Variants in RORB observed in about 807,000 individuals in gnomAD.
The protein encoded by RORB is nuclear receptor ROR-beta.
Under a neutral mutation model 59.1 loss-of-function variants are expected in RORB, and 6 were observed. The ratio of observed to expected loss-of-function variants is 0.10; its 90% CI spans 0.06 to 0.20. The LOEUF is 0.20. RORB is among the 10% of genes least tolerant of loss of function. RORB has a pLI of 1.00. For synonymous variants in RORB, 215 were observed against 204.5 expected (o/e 1.05, Z -0.44); for missense variants, 320 against 560.5 (o/e 0.57, Z 4.33).
At chr9:74,566,438 C>A (rs1822469513) in intron 1 of RORB, among the ~76,000 whole-genome samples, 1 of 152,064 alleles carries the variant, frequency 6.6e-6, no homozygotes, top group Non-Finnish European at 1.5e-5. Context: ...CTACTACTAT[C>A]AACAGTTTTG....
intron 1 of RORB, among the ~76,000 whole-genome samples, chr9:74,568,741 T>A (rs1822506231): frequency 6.6e-6 from 1 of 151,596 alleles, no homozygotes; most frequent in African/African-American, 2.4e-5. Flanking sequence ...ACTGGAAGTT[T>A]GTCTTTAAAA....
At chr9:74,501,205 A>C (rs1012613671) in intron 1 of RORB, among the ~76,000 whole-genome samples, 1 of 152,230 alleles carries the variant, frequency 6.6e-6, no homozygotes, top group Non-Finnish European at 1.5e-5. Flanking sequence ...GGGGCGGATT[A>C]GAAATCTGGT....
At chr9:74,671,016 A>C (rs2118543126) in intron 8 of RORB, among the ~76,000 whole-genome samples, 1 of 152,172 alleles carries the variant, frequency 6.6e-6, no homozygotes, top group South Asian at 2.1e-4. Context: ...TAAAGGTCCA[A>C]CCTAAGGCAT....
At chr9:74,631,366 G>A (rs1311531537) in intron 2 of RORB, among the ~76,000 whole-genome samples, 3 of 152,156 alleles carry the variant, frequency 2.0e-5, no homozygotes, top group African/African-American at 7.2e-5. Context: ...AAAGTTATTG[G>A]CAAGAGCAAT....
In RORB at chr9:74,497,848, T is replaced by G; in HGVS notation, c.-129T>G. ...CAGCCACGGCGTCCGCCTAAAGGGA[T>G]GGTTTTCTCGGCAGAGCAGCTCTTC... On this transcript the variant is annotated 5_prime_UTR_variant, in exon 1 of 10. The change abolishes an upstream ATG in the 5' untranslated region. Transcript: ENST00000376896. 8.8e-7 allele frequency: 1 copy of G among 1,139,694 alleles called. No individual in the cohort carries two copies. The highest frequency in any genetic ancestry group is 1.3e-6 in the Non-Finnish European group (1 of 781,486). 70.6% of individuals were successfully genotyped at this position (1,139,694 alleles called of 1,614,324 possible). A position where few individuals can be genotyped will look rare whatever the true frequency, so the allele number is the denominator to read the frequency against.
chr9:74,611,948 C>G (rs1016657029), intron 1 of RORB, among the ~76,000 whole-genome samples: 1 of 152,122 alleles, frequency 6.6e-6, no homozygotes, highest in Non-Finnish European at 1.5e-5. Flanking sequence ...CCATGCCCAG[C>G]CAACTCCATT....
chr9:74,528,305 C>T (rs1299685353), intron 1 of RORB, among the ~76,000 whole-genome samples: 1 of 152,016 alleles, frequency 6.6e-6, no homozygotes, highest in African/African-American at 2.4e-5. Context: ...TACTACTCTC[C>T]TAGCGCAGCT....
At chr9:74,550,253 T>G (rs1413703320) in intron 1 of RORB, among the ~76,000 whole-genome samples, 1 of 152,218 alleles carries the variant, frequency 6.6e-6, no homozygotes, top group South Asian at 2.1e-4. Flanking sequence ...AAATATAGAT[T>G]GTTTAAAGTC....
rs879518494 is a variant in RORB, at chr9:74,670,071, C to CT, written c.1112-1707dup. Among the ~76,000 whole-genome samples, 113 of 145,870 alleles carry CT rather than the reference C, an allele frequency of 7.7e-4. 1 individual carries two copies. Among genetic ancestry groups the CT allele is most frequent in the African/African-American group, 2.3e-3 (91 of 40,084 alleles). On this transcript the variant is annotated intron_variant, in intron 8 of 9. Transcript: ENST00000376896. ...CTAAAATCAAGCTGTTCCTCTAGGC[C>CT]TTTTTTTTTTTAAACCCTAGAAAGT...
intron 1 of RORB, among the ~76,000 whole-genome samples, chr9:74,592,284 G>A (rs1422850775): frequency 6.6e-6 from 1 of 152,060 alleles, no homozygotes; most frequent in Non-Finnish European, 1.5e-5. Flanking sequence ...AAATTATCAG[G>A]CCCCATCTCA....
Position 74,667,921 on chromosome 9 carries a change from CT to C in RORB, c.1111+22del. 2 of 1,477,940 alleles carry C rather than the reference CT, an allele frequency of 1.4e-6. No homozygotes were observed. Among genetic ancestry groups the C allele is most frequent in the Non-Finnish European group, 1.9e-6 (2 of 1,055,766 alleles). 91.6% of individuals were successfully genotyped at this position (1,477,940 alleles called of 1,614,324 possible). ...CTCCAGGTAGGGCAGTCTCAGTTCT[CT>C]TACCTTTTTAAAAAACTTGTTTTAC... On this transcript the variant is annotated intron_variant, in intron 8 of 9. Transcript: ENST00000376896.
chr9:74,588,741 T>C (rs930110422), intron 1 of RORB, among the ~76,000 whole-genome samples: 2 of 152,254 alleles, frequency 1.3e-5, no homozygotes, highest in South Asian at 4.1e-4. Flanking sequence ...GCTTTTAAGC[T>C]ATCAATGGAA....
intron 1 of RORB, among the ~76,000 whole-genome samples, chr9:74,552,921 C>T (rs1826635241): frequency 6.6e-6 from 1 of 151,932 alleles, no homozygotes; most frequent in South Asian, 2.1e-4. Context: ...AAAGCGGGGA[C>T]CTAAGTGAGA....
intron 1 of RORB, among the ~76,000 whole-genome samples, chr9:74,569,877 C>T (rs942509520): frequency 8.6e-5 from 13 of 152,008 alleles, no homozygotes; most frequent in African/African-American, 3.1e-4. Context: ...GTTTTCTCCA[C>T]CAAATATTTG....
At chr9:74,594,381 C>A (rs899893372) in intron 1 of RORB, among the ~76,000 whole-genome samples, 2 of 152,138 alleles carry the variant, frequency 1.3e-5, no homozygotes, top group Non-Finnish European at 2.9e-5. Flanking sequence ...TCAATCAAAC[C>A]TTATGGAAGC....
chr9:74,572,792 G>A (rs1289014146), intron 1 of RORB, among the ~76,000 whole-genome samples: 1 of 152,154 alleles, frequency 6.6e-6, no homozygotes, highest in Non-Finnish European at 1.5e-5. Flanking sequence ...TCATCCAGGT[G>A]TAACATGACA....
chr9:74,645,581 A>T (rs117571626), intron 4 of RORB, among the ~76,000 whole-genome samples: 2,731 of 152,230 alleles, frequency 0.018, 30 homozygotes, highest in Non-Finnish European at 0.026. Context: ...ATATGTAAGC[A>T]CCATTATTAT....
intron 4 of RORB, among the ~76,000 whole-genome samples, chr9:74,656,065 C>A (rs921765278): frequency 2.0e-5 from 3 of 152,140 alleles, no homozygotes; most frequent in Non-Finnish European, 4.4e-5. Context: ...GACTTCAAAG[C>A]CATTCTGAGT....
At chr9:74,508,313 C>A (rs1361686566) in intron 1 of RORB, among the ~76,000 whole-genome samples, 1 of 151,818 alleles carries the variant, frequency 6.6e-6, no homozygotes, top group African/African-American at 2.4e-5. Context: ...CTAATATAAC[C>A]AAAGATAAGT....
Sources: allele counts gnomAD v4.1 joint callset (sites outside exome capture counted in the v4.1 genomes callset), GRCh38; gene constraint gnomAD v4.1.1; transcripts MANE v1.5; gene names NCBI Gene and HGNC (gene_info 2026-07-23, HGNC 2026-07-21).